RAD51B: variants seen among roughly 807,000 people sequenced by gnomAD.
The protein encoded by RAD51B is DNA repair protein RAD51 homolog 2.
In RAD51B, 38 loss-of-function variants were observed where a neutral mutation model predicts 42.2. The observed-to-expected ratio is 0.90, with a 90% CI of 0.70 to 1.18. The LOEUF is 1.18. RAD51B is among the 50% of genes most tolerant of loss of function. RAD51B has a pLI of 0.00. For missense variants in RAD51B, 373 were observed against 400.7 expected (o/e 0.93, Z 0.59); for synonymous variants, 154 against 145.2 (o/e 1.06, Z -0.43).
At chr14:67,910,441 A>AAAAAAT (rs1566953766) in intron 7 of RAD51B, among the ~76,000 whole-genome samples, 1 of 146,076 alleles carries the variant, frequency 6.8e-6, no homozygotes, top group Non-Finnish European at 1.5e-5. Context: ...AAAAAAAAAA[A>AAAAAAT]ATATTTAAAT....
intron 10 of RAD51B, among the ~76,000 whole-genome samples, chr14:68,560,113 G>A (rs1889066210): frequency 6.6e-6 from 1 of 152,080 alleles, no homozygotes; most frequent in Admixed American, 6.5e-5. Context: ...TCCTCGGAGT[G>A]ACTTCTGACG....
At chr14:67,984,447 G>A (rs146623974) in intron 7 of RAD51B, among the ~76,000 whole-genome samples, 82 of 152,232 alleles carry the variant, frequency 5.4e-4, no homozygotes, top group Non-Finnish European at 5.3e-4. Flanking sequence ...TATGGTTTAA[G>A]TCATTCCTTC....
chr14:68,167,107 A>G (rs1400296504), intron 7 of RAD51B, among the ~76,000 whole-genome samples: 1 of 152,204 alleles, frequency 6.6e-6, no homozygotes, highest in Non-Finnish European at 1.5e-5. Flanking sequence ...GTCTCATTTT[A>G]AAAATATTTA....
chr14:67,882,965 G>T (rs917649117), intron 5 of RAD51B, among the ~76,000 whole-genome samples: 1 of 152,142 alleles, frequency 6.6e-6, no homozygotes, highest in Non-Finnish European at 1.5e-5. Flanking sequence ...GGCTGGTCTT[G>T]AACTCCTGAC....
At chr14:68,666,665 A>G (rs1893038519) in intron 11 of RAD51B, among the ~76,000 whole-genome samples, 3 of 152,376 alleles carry the variant, frequency 2.0e-5, no homozygotes, top group African/African-American at 7.2e-5. Context: ...TATGCTTAAC[A>G]TAGTAATAAG....
intron 7 of RAD51B, among the ~76,000 whole-genome samples, chr14:68,273,864 A>G (rs1381556053): frequency 1.3e-5 from 2 of 152,074 alleles, no homozygotes; most frequent in African/African-American, 2.4e-5. Context: ...ACTTTATATA[A>G]AATTTTTTAG....
exon 11 of RAD51B, chr14:68,594,870 C>T: frequency 8.7e-7 from 1 of 1,150,986 alleles, no homozygotes; most frequent in Non-Finnish European, 1.1e-6. Flanking sequence ...GCACACAGCC[C>T]ATGCCCTCCA....
intron 11 of RAD51B, among the ~76,000 whole-genome samples, chr14:68,671,722 A>G (rs998670433): frequency 6.6e-6 from 1 of 151,906 alleles, no homozygotes; most frequent in South Asian, 2.1e-4. Context: ...GTGTCCCCTA[A>G]CCTTGTCTCA....
chr14:68,437,937 T>C (rs2085185946), intron 9 of RAD51B, among the ~76,000 whole-genome samples: 1 of 152,162 alleles, frequency 6.6e-6, no homozygotes, highest in South Asian at 2.1e-4. Flanking sequence ...CTGAGGAAGA[T>C]GTTTGAACAA....
At chr14:68,560,781 C>T (rs868490912) in intron 10 of RAD51B, among the ~76,000 whole-genome samples, 2 of 151,942 alleles carry the variant, frequency 1.3e-5, no homozygotes, top group African/African-American at 4.8e-5. Context: ...GGCCTCCCCC[C>T]GCCCCACACA....
chr14:68,290,850 AG>A (rs1365189493), intron 7 of RAD51B, among the ~76,000 whole-genome samples: 1 of 151,894 alleles, frequency 6.6e-6, no homozygotes, highest in Non-Finnish European at 1.5e-5. Flanking sequence ...CTTGTTGCCC[AG>A]GCTGGAGTGC....
intron 9 of RAD51B, among the ~76,000 whole-genome samples, chr14:68,445,326 T>C (rs1193465601): frequency 6.6e-6 from 1 of 152,216 alleles, no homozygotes; most frequent in African/African-American, 2.4e-5. Context: ...AAAATGATTC[T>C]GTATAAGATT....
intron 7 of RAD51B, among the ~76,000 whole-genome samples, chr14:68,137,552 C>T (rs530623090): frequency 1.3e-5 from 2 of 152,166 alleles, no homozygotes; most frequent in Non-Finnish European, 2.9e-5. Context: ...ATAAATGAAT[C>T]GAAATCTTAT....
At chr14:68,165,260 A>T (rs2078725140) in intron 7 of RAD51B, among the ~76,000 whole-genome samples, 1 of 152,162 alleles carries the variant, frequency 6.6e-6, no homozygotes, top group Non-Finnish European at 1.5e-5. Flanking sequence ...AATGAAATTT[A>T]TTCTTTTGTC....
intron 9 of RAD51B, among the ~76,000 whole-genome samples, chr14:68,448,839 T>C (rs2140180094): frequency 6.6e-6 from 1 of 152,198 alleles, no homozygotes; most frequent in South Asian, 2.1e-4. Flanking sequence ...AGAGGGGATG[T>C]TTTTGTTTGT....
chr14:68,030,811 T>A (rs967351423), intron 7 of RAD51B, among the ~76,000 whole-genome samples: 1 of 152,192 alleles, frequency 6.6e-6, no homozygotes, highest in Non-Finnish European at 1.5e-5. Flanking sequence ...CTAAGCTTAA[T>A]TTAAAGTAAG....
At chr14:68,059,729 A>G (rs1595340157) in intron 7 of RAD51B, among the ~76,000 whole-genome samples, 1 of 152,140 alleles carries the variant, frequency 6.6e-6, no homozygotes, top group Non-Finnish European at 1.5e-5. Context: ...TTCATTATGT[A>G]TTTTAGTTGT....
intron 8 of RAD51B, among the ~76,000 whole-genome samples, chr14:68,320,230 G>A (rs1182624432): frequency 6.6e-5 from 10 of 152,188 alleles, no homozygotes; most frequent in African/African-American, 1.9e-4. Context: ...TTGTCCGTGT[G>A]TATCACACTG....
At chr14:68,572,383 T>G (rs1158177830) in intron 10 of RAD51B, among the ~76,000 whole-genome samples, 1 of 152,248 alleles carries the variant, frequency 6.6e-6, no homozygotes, top group Non-Finnish European at 1.5e-5. Context: ...TTGCTTTCCT[T>G]GCTGGAAACC....
Sources: allele counts gnomAD v4.1 joint callset (sites outside exome capture counted in the v4.1 genomes callset), GRCh38; gene constraint gnomAD v4.1.1; transcripts MANE v1.5; gene names NCBI Gene and HGNC (gene_info 2026-07-23, HGNC 2026-07-21).